RAB43: variants seen among roughly 807,000 people sequenced by gnomAD.
RAB43 encodes ras-related protein Rab-43.
In RAB43, 6 loss-of-function variants were observed where a neutral mutation model predicts 18.8. That is an observed-to-expected ratio of 0.32 (90% confidence interval 0.17 to 0.63). The LOEUF (loss-of-function observed/expected upper bound fraction) is 0.63, where lower values mean the gene tolerates loss of function less well. Among genes scored for constraint, RAB43 ranks in the 30% least tolerant of loss-of-function variants. The pLI is 0.79. For synonymous variants in RAB43, 103 were observed against 124.1 expected (o/e 0.83, Z 1.13); for missense variants, 195 against 289.1 (o/e 0.67, Z 2.36).
chr3:129,116,913 G>C (rs373810358), intron 1 of RAB43, among the ~76,000 whole-genome samples: 1 of 145,940 alleles, frequency 6.9e-6, no homozygotes, highest in Admixed American at 7.0e-5. Flanking sequence ...TAAGGATTTA[G>C]AGCCAGCTGA....
chr3:129,114,531 G>A (rs1489939753), intron 1 of RAB43, among the ~76,000 whole-genome samples: 1 of 152,120 alleles, frequency 6.6e-6, no homozygotes, highest in East Asian at 1.9e-4. Context: ...CTTATAAAAC[G>A]CATGCACATT....
At chr3:129,093,896 G>A (rs1356425486) in intron 2 of RAB43, among the ~76,000 whole-genome samples, 3 of 152,266 alleles carry the variant, frequency 2.0e-5, no homozygotes, top group African/African-American at 7.2e-5. Flanking sequence ...CCAAGATCAC[G>A]CCACGGCACT....
intron 1 of RAB43, among the ~76,000 whole-genome samples, chr3:129,104,720 C>T (rs1934642765): frequency 6.6e-6 from 1 of 152,198 alleles, no homozygotes; most frequent in African/African-American, 2.4e-5. Flanking sequence ...AGGGATAAGG[C>T]TTCTTTCCTC....
rs761430924 is a variant in RAB43 at position 129,121,458 on chromosome 3, G to T, written c.32C>A (p.Pro11Gln). Residue 11 changes from proline to glutamine, a missense_variant, in exon 1 of 3, where the codon CCG (proline) becomes CAG (glutamine). Pro to Gln is a moderately conservative substitution (Grantham distance 76). Coordinates refer to ENST00000315150, the MANE Select transcript of RAB43 (RefSeq NM_198490.3). MAGPGPGPGD[P>Q]DEQYDFLFKL... is the part of the protein sequence containing the mutation. The stretch of plus-strand genomic sequence containing the variant: ...GAACAGGAAATCGTACTGCTCGTCC[G>T]GGTCCCCCGGGCCTGGGCCCGGCCC... 5.6e-6 allele frequency: 9 copies of T among 1,612,462 alleles called. No individual in the cohort carries two copies. Among genetic ancestry groups the T allele is most frequent in the Non-Finnish European group, 7.6e-6 (9 of 1,179,350 alleles).
intron 1 of RAB43, among the ~76,000 whole-genome samples, chr3:129,104,170 C>T (rs1257516123): frequency 1.3e-5 from 2 of 152,214 alleles, no homozygotes. Flanking sequence ...GCGAGCTGTA[C>T]ATTGTTATGG....
At chr3:129,091,448 A>G in intron 2 of RAB43, 102 bp from the exon 3 acceptor site, 1 of 1,396,886 alleles carries the variant, frequency 7.2e-7, no homozygotes, top group Non-Finnish European at 9.6e-7. Flanking sequence ...CCCTTCCACC[A>G]CTATAAATGG....
intron 1 of RAB43, among the ~76,000 whole-genome samples, chr3:129,114,761 CA>C (rs1458003201): frequency 6.6e-6 from 1 of 152,160 alleles, no homozygotes; most frequent in Non-Finnish European, 1.5e-5. Context: ...AGCATGGAGA[CA>C]AAAGGTGGTA....
rs1009305898 is a variant in RAB43 at position 129,095,405 on chromosome 3, T to C, written c.205-236A>G. 6.8e-6 allele frequency among the ~76,000 whole-genome samples: 1 copy of C among 147,190 alleles called. No homozygotes were observed. The highest frequency in any genetic ancestry group is 2.4e-5 in the African/African-American group (1 of 41,228). ...CCCCAGGGAAAGATGGAGGAAGGGGTACACTCTGAGCTGACCCAGGTCCTC... is the reference window on the plus strand; with the variant it reads ...CCCCAGGGAAAGATGGAGGAAGGGGCACACTCTGAGCTGACCCAGGTCCTC... On this transcript the variant is annotated intron_variant, in intron 1 of 2. Transcript: ENST00000315150. This position sits in a 1 kb window ranked among gnomAD's most constrained non-coding sequence, Gnocchi z 4.2.
intron 1 of RAB43, among the ~76,000 whole-genome samples, chr3:129,116,740 C>T (rs1438890831): frequency 1.3e-5 from 2 of 152,192 alleles, no homozygotes; most frequent in African/African-American, 4.8e-5. Flanking sequence ...AGCGAGCAGA[C>T]AGTGAGCCTG....
At chr3:129,120,347 T>C (rs1289142682) in intron 1 of RAB43, among the ~76,000 whole-genome samples, 11 of 152,120 alleles carry the variant, frequency 7.2e-5, no homozygotes, top group Non-Finnish European at 1.6e-4. Context: ...GTGACTCCCA[T>C]CTCCCTGGCA....
intron 1 of RAB43, among the ~76,000 whole-genome samples, chr3:129,106,702 CG>C (rs1381383677): frequency 1.3e-5 from 2 of 152,066 alleles, no homozygotes; most frequent in African/African-American, 4.8e-5. Context: ...AGTCTGGTGT[CG>C]GGGGCACAAA....
In RAB43 at chr3:129,121,074, C is replaced by G. The variant is rs970953133; in HGVS notation, c.204+212G>C. Among the ~76,000 whole-genome samples, 425 of 147,652 alleles carry G rather than the reference C, an allele frequency of 2.9e-3. 11 individuals carry two copies. Among genetic ancestry groups the G allele is most frequent in the Admixed American group, 6.6e-3 (99 of 14,980 alleles). On this transcript the variant is annotated intron_variant, in intron 1 of 2. Transcript: ENST00000315150. ...GCCTCCTCCACACTCCCTCGCCCCC[C>G]CCCCCCCCAGCAACCCACGGCCGGC... is the stretch of plus-strand genomic sequence containing the variant.
chr3:129,113,723 G>A (rs1236481969), intron 1 of RAB43, among the ~76,000 whole-genome samples: 1 of 152,134 alleles, frequency 6.6e-6, no homozygotes, highest in Non-Finnish European at 1.5e-5. Flanking sequence ...TGAACCCAAA[G>A]CAGGTTAGAA....
intron 1 of RAB43, among the ~76,000 whole-genome samples, chr3:129,098,709 A>G (rs901333414): frequency 2.6e-5 from 4 of 152,236 alleles, no homozygotes; most frequent in African/African-American, 9.6e-5. Flanking sequence ...GTGGACGAAT[A>G]GGGGATTTAA....
chr3:129,107,712 C>A lies in RAB43; in HGVS notation c.205-12543G>T, dbSNP rs1934874622. ...CACAAGAATTCCCGTAAACCCCACA[C>A]CTCTTTTCCCCAAATTCCTCCGCTG... On this transcript the variant is annotated intron_variant, in intron 1 of 2. Coordinates refer to ENST00000315150, the MANE Select transcript of RAB43 (RefSeq NM_198490.3). This position sits in a 1 kb window ranked among gnomAD's most constrained non-coding sequence, Gnocchi z 4.2. 6.6e-6 allele frequency among the ~76,000 whole-genome samples: 1 copy of A among 152,154 alleles called. No individual in the cohort carries two copies. The highest frequency in any genetic ancestry group is 2.1e-4 in the South Asian group (1 of 4,830).
chr3:129,090,081 G>C lies in RAB43; in HGVS notation c.*1015C>G, dbSNP rs1260856428. ...CCTTCTAACCTTGGTGCCCAGCTCA[G>C]GGTGAGGCAGTTAAGGGTCCAGGGA... On this transcript the variant is annotated 3_prime_UTR_variant, in exon 3 of 3. Transcript: ENST00000315150. The C allele has an allele frequency of 6.8e-6, 1 of 147,524 alleles. No individual in the cohort carries two copies. The highest frequency in any genetic ancestry group is 6.8e-5 in the Admixed American group (1 of 14,678). 9.1% of individuals were successfully genotyped at this position (147,524 alleles called of 1,614,324 possible). A position where few individuals can be genotyped will look rare whatever the true frequency, so the allele number is the denominator to read the frequency against.
rs1246287275 is a variant in RAB43, at chr3:129,090,279, G to C, written c.*817C>G. On this transcript the variant is annotated 3_prime_UTR_variant, in exon 3 of 3. Coordinates refer to ENST00000315150, the MANE Select transcript of RAB43 (RefSeq NM_198490.3). ...CCTCAAGGATGCAAGCTTCTACTTG[G>C]ACCTTAAATGTCCACTTTCTCATCT... 1 of 143,860 alleles carries C rather than the reference G, an allele frequency of 7.0e-6. No homozygotes were observed. The highest frequency in any genetic ancestry group is 2.6e-5 in the African/African-American group (1 of 38,660). 8.9% of individuals were successfully genotyped at this position (143,860 alleles called of 1,614,324 possible).
chr3:129,101,382 C>G (rs777951407), intron 1 of RAB43, among the ~76,000 whole-genome samples: 5 of 152,230 alleles, frequency 3.3e-5, no homozygotes, highest in Admixed American at 6.5e-5. Flanking sequence ...GTCCCAGCCT[C>G]TGCTCTGGTA....
In RAB43 at chr3:129,091,284, C is replaced by T. The variant is rs1165903620; in HGVS notation, c.451G>A (p.Glu151Lys). The T allele has an allele frequency of 6.3e-7, 1 of 1,586,208 alleles. No individual in the cohort carries two copies. The change falls in exon 3 of 3, where the codon GAG becomes AAG. Residue 151 changes from glutamate to lysine, a missense_variant. Glu to Lys is a moderately conservative substitution (Grantham distance 56). Coordinates refer to ENST00000315150, the MANE Select transcript of RAB43 (RefSeq NM_198490.3). ...VSLAEAQSLA[E>K]HYDILCAIET... ...ATGGCACACAGGATGTCATAGTGCT[C>T]AGCCAGGCTCTGTGCCTCAGCCAAG... is the stretch of plus-strand genomic sequence containing the variant.
Sources: gnomAD v4.1 joint callset for allele counts (sites outside exome capture counted in the v4.1 genomes callset) on GRCh38, gnomAD v4.1.1 for gene constraint, Gnocchi (gnomAD v3.1) non-coding constraint, MANE v1.5 for transcripts, NCBI Gene and HGNC (gene_info 2026-07-23, HGNC 2026-07-21) for gene names.